Variants in LINGO2 observed in about 807,000 individuals in gnomAD.
The protein encoded by LINGO2 is leucine-rich repeat and immunoglobulin-like domain-containing nogo receptor-interacting protein 2.
LINGO2 carries 14 observed loss-of-function variants against 30.6 expected under a neutral mutation model. That is an observed-to-expected ratio of 0.46 (90% CI 0.30 to 0.72). LINGO2 has a LOEUF of 0.72. Among genes scored for constraint, LINGO2 ranks in the 30% least tolerant of loss-of-function variants. LINGO2 has a pLI of 0.07. For missense variants in LINGO2, 729 were observed against 751.7 expected (o/e 0.97, Z 0.35); for synonymous variants, 317 against 288.5 (o/e 1.10, Z -1.00).
intron 2 of LINGO2, among the ~76,000 whole-genome samples, chr9:28,386,852 G>A (rs1009408070): frequency 6.6e-6 from 1 of 152,142 alleles, no homozygotes; most frequent in African/African-American, 2.4e-5. Flanking sequence ...TATTTTATAT[G>A]GGAATAAGAA....
the LINGO2 span, among the ~76,000 whole-genome samples, chr9:28,815,557 A>C: frequency 1.3e-5 from 2 of 152,170 alleles, no homozygotes; most frequent in Admixed American, 6.5e-5. Flanking sequence ...ACCAAGGCTA[A>C]CACTCACCTC....
intron 3 of LINGO2, among the ~76,000 whole-genome samples, chr9:28,342,019 C>CA (rs1382112508): frequency 2.6e-5 from 4 of 151,798 alleles, no homozygotes; most frequent in East Asian, 1.9e-4. Flanking sequence ...TTCCAAATAC[C>CA]AAAAAAAGGA....
At chr9:29,177,244 C>A in the LINGO2 span, among the ~76,000 whole-genome samples, 1 of 152,124 alleles carries the variant, frequency 6.6e-6, no homozygotes, top group Admixed American at 6.6e-5. Context: ...TATAGCACTT[C>A]TAGATTACAA....
At chr9:28,777,816 C>A in the LINGO2 span, among the ~76,000 whole-genome samples, 1 of 152,096 alleles carries the variant, frequency 6.6e-6, no homozygotes, top group Non-Finnish European at 1.5e-5. Flanking sequence ...TGATAAGCTG[C>A]CAAAGCAAGG....
At chr9:28,220,179 A>C (rs1289399444) in intron 4 of LINGO2, among the ~76,000 whole-genome samples, 1 of 152,158 alleles carries the variant, frequency 6.6e-6, no homozygotes, top group Non-Finnish European at 1.5e-5. Context: ...AAGGGACTAG[A>C]GAGTCTGGGA....
At chr9:28,375,271 A>G (rs933042706) in intron 2 of LINGO2, among the ~76,000 whole-genome samples, 1 of 152,210 alleles carries the variant, frequency 6.6e-6, no homozygotes, top group Non-Finnish European at 1.5e-5. Context: ...ACAGGGGTAG[A>G]TGCTGGGTCT....
In LINGO2 at chr9:28,663,902, T is replaced by C. The variant is rs1828685459; in HGVS notation, c.-365+6298A>G. ...GACCAATATTCCTGGAAGAATCAAC[T>C]TGAGATTATATATGAATTATTATAC... is the stretch of plus-strand genomic sequence containing the variant. On this transcript the variant is annotated intron_variant, in intron 1 of 5. Transcript: ENST00000379992. Among the ~76,000 whole-genome samples, 3 of 135,732 alleles carry C rather than the reference T, an allele frequency of 2.2e-5. No homozygotes were observed. In the South Asian group the frequency reaches 6.8e-4, roughly 31 times the overall value. 89.0% of individuals were successfully genotyped at this position (135,732 alleles called of 152,430 possible).
chr9:28,481,827 T>A (rs565642709), intron 1 of LINGO2, among the ~76,000 whole-genome samples: 1 of 145,980 alleles, frequency 6.9e-6, no homozygotes, highest in African/African-American at 2.5e-5. Context: ...CTTGTGTCCA[T>A]GTGTTCTCAT....
the LINGO2 span, among the ~76,000 whole-genome samples, chr9:29,184,636 T>C: frequency 6.6e-6 from 1 of 152,016 alleles, no homozygotes; most frequent in South Asian, 2.1e-4. Flanking sequence ...TATTCTTATG[T>C]AGCAAGAATC....
At chr9:29,186,442 C>T in the LINGO2 span, among the ~76,000 whole-genome samples, 5 of 152,092 alleles carry the variant, frequency 3.3e-5, no homozygotes, top group South Asian at 4.1e-4. Flanking sequence ...AATATAAACA[C>T]GCTGAAACTT....
At chr9:29,034,576 AAAAT>A in the LINGO2 span, among the ~76,000 whole-genome samples, 1 of 152,144 alleles carries the variant, frequency 6.6e-6, no homozygotes, top group African/African-American at 2.4e-5. Context: ...TTTATTTTAA[AAAAT>A]AAATAGCCCT....
chr9:28,323,268 G>C (rs111383891), intron 3 of LINGO2, among the ~76,000 whole-genome samples: 1 of 152,170 alleles, frequency 6.6e-6, no homozygotes, highest in Non-Finnish European at 1.5e-5. Flanking sequence ...GGCAAATTCT[G>C]TGCCTTTTGA....
At chr9:28,047,965 C>CA (rs1243006814) in intron 4 of LINGO2, among the ~76,000 whole-genome samples, 1 of 149,746 alleles carries the variant, frequency 6.7e-6, no homozygotes, top group Non-Finnish European at 1.5e-5. Flanking sequence ...GTAATTTCCA[C>CA]AAAAAATATG....
chr9:28,090,176 C>G (rs1285823798), intron 4 of LINGO2, among the ~76,000 whole-genome samples: 3 of 152,092 alleles, frequency 2.0e-5, no homozygotes, highest in African/African-American at 2.4e-5. Flanking sequence ...CTATTCCAAT[C>G]AATAGAAAAA....
intron 4 of LINGO2, among the ~76,000 whole-genome samples, chr9:28,090,785 G>A: frequency 6.6e-6 from 1 of 152,176 alleles, no homozygotes; most frequent in East Asian, 1.9e-4. Context: ...GTCCCTGTTT[G>A]CAGATGACAT....
chr9:28,276,923 A>G (rs1823134906), intron 4 of LINGO2, among the ~76,000 whole-genome samples: 1 of 152,142 alleles, frequency 6.6e-6, no homozygotes, highest in Admixed American at 6.5e-5. Context: ...TTCTGATATG[A>G]GTCAGTAGTG....
At position 28,010,417 on chromosome 9, in the gene LINGO2, A is replaced by G. The variant is rs567531185; in HGVS notation, c.-36+1938T>C. Among the ~76,000 whole-genome samples the G allele has an allele frequency of 2.0e-5, 3 of 152,254 alleles. No individual in the cohort carries two copies. The East Asian group carries it at 5.8e-4, about 29-fold the overall frequency. On this transcript the variant is annotated intron_variant, in intron 5 of 5. Transcript: ENST00000379992. ...CTCCTCTGGGCCCCTTTCCTCACCCATATGATACCACTTGATTGTTTTTCA... is the reference window on the plus strand; with the variant it reads ...CTCCTCTGGGCCCCTTTCCTCACCCGTATGATACCACTTGATTGTTTTTCA...
At position 28,328,698 on chromosome 9, in the gene LINGO2, T is replaced by C. The variant is rs1047000983; in HGVS notation, c.-245-33332A>G. Among the ~76,000 whole-genome samples the C allele has an allele frequency of 3.3e-5, 5 of 152,206 alleles. No individual in the cohort carries two copies. In the South Asian group the frequency reaches 1.0e-3, roughly 32 times the overall value. On this transcript the variant is annotated intron_variant, in intron 3 of 5. Transcript: ENST00000379992. The stretch of plus-strand genomic sequence containing the variant: ...GCCATAATGTGCCAAATTTCCTTAA[T>C]TTTCTTCATTAAGGGAGTAATGCAA...
chr9:28,888,467 C>A, the LINGO2 span, among the ~76,000 whole-genome samples: 1 of 152,076 alleles, frequency 6.6e-6, no homozygotes, highest in Non-Finnish European at 1.5e-5. Flanking sequence ...CATTTATATA[C>A]TTAAACTCCT....
Sources: allele counts gnomAD v4.1 joint callset (sites outside exome capture counted in the v4.1 genomes callset), GRCh38; gene constraint gnomAD v4.1.1; transcripts MANE v1.5; gene names NCBI Gene and HGNC (gene_info 2026-07-23, HGNC 2026-07-21).